WDR72: variants seen among roughly 807,000 people sequenced by gnomAD.
WDR72 encodes WD repeat-containing protein 72.
A neutral mutation model predicts 124.2 loss-of-function variants in WDR72; 120 were observed. That is an observed-to-expected ratio of 0.97 (90% confidence interval 0.83 to 1.12). The LOEUF (loss-of-function observed/expected upper bound fraction) is 1.12. Among genes scored for constraint, WDR72 ranks in the 50% most tolerant of loss-of-function variants. The pLI, the probability that WDR72 is intolerant of heterozygous loss-of-function variation, is 0.00. For synonymous variants in WDR72, 452 were observed against 441.7 expected (o/e 1.02, Z -0.29); for missense variants, 1,387 against 1,278.8 (o/e 1.08, Z -1.29).
intron 18 of WDR72, among the ~76,000 whole-genome samples, chr15:53,536,352 A>C (rs1487672483): frequency 6.6e-6 from 1 of 152,202 alleles, no homozygotes; most frequent in East Asian, 1.9e-4. Context: ...TGGTAGTTCT[A>C]AGGTTAAGTT....
chr15:53,700,892 A>G (rs1266450368), intron 12 of WDR72, among the ~76,000 whole-genome samples: 1 of 152,198 alleles, frequency 6.6e-6, no homozygotes. Flanking sequence ...CACGGCTTCT[A>G]GAACAGGCAG....
chr15:53,709,345 C>G (rs527569543), intron 9 of WDR72, among the ~76,000 whole-genome samples: 14 of 152,202 alleles, frequency 9.2e-5, no homozygotes, highest in African/African-American at 1.4e-4. Flanking sequence ...GATACAGAAA[C>G]ATCTATGGTT....
intron 11 of WDR72, among the ~76,000 whole-genome samples, chr15:53,703,642 C>A (rs1231712476): frequency 6.6e-6 from 1 of 151,984 alleles, no homozygotes; most frequent in Non-Finnish European, 1.5e-5. Flanking sequence ...CAAATCACAG[C>A]TGTATGAGAG....
chr15:53,571,876 C>T (rs540182729), intron 18 of WDR72, among the ~76,000 whole-genome samples: 1 of 151,894 alleles, frequency 6.6e-6, no homozygotes, highest in African/African-American at 2.4e-5. Context: ...ACATCCTTAC[C>T]AACACTTATC....
intron 18 of WDR72, among the ~76,000 whole-genome samples, chr15:53,539,216 A>AT: frequency 6.6e-6 from 1 of 152,294 alleles, no homozygotes; most frequent in East Asian, 1.9e-4. Flanking sequence ...TTGTTTAAAT[A>AT]TGCCTTTCCT....
chr15:53,625,760 A>G (rs1303843279), intron 14 of WDR72, among the ~76,000 whole-genome samples: 1 of 151,766 alleles, frequency 6.6e-6, no homozygotes, highest in East Asian at 1.9e-4. Context: ...TCCAAAGTAC[A>G]TATAAAAAGG....
chr15:53,619,138 A>G (rs550189441), intron 14 of WDR72, among the ~76,000 whole-genome samples: 14 of 152,140 alleles, frequency 9.2e-5, no homozygotes, highest in Admixed American at 9.2e-4. Context: ...TTTTAAAATA[A>G]TTCTTTTATT....
intron 18 of WDR72, among the ~76,000 whole-genome samples, chr15:53,585,485 CA>C (rs1202031538): frequency 4.6e-5 from 7 of 152,054 alleles, no homozygotes; most frequent in African/African-American, 1.4e-4. Context: ...TGGGTGGGGA[CA>C]CAGAGTCAAA....
intron 18 of WDR72, among the ~76,000 whole-genome samples, chr15:53,534,855 G>T (rs1056380025): frequency 6.6e-6 from 1 of 151,962 alleles, no homozygotes; most frequent in African/African-American, 2.4e-5. Context: ...ACAGATTTCT[G>T]TTTCTTCTTA....
At chr15:53,725,176 T>A (rs2017985675) in intron 2 of WDR72, among the ~76,000 whole-genome samples, 2 of 151,978 alleles carry the variant, frequency 1.3e-5, no homozygotes, top group Admixed American at 6.6e-5. Context: ...AAAGAAAACA[T>A]ACAGATGGCA....
intron 13 of WDR72, among the ~76,000 whole-genome samples, chr15:53,671,945 G>T (rs2016004529): frequency 6.6e-6 from 1 of 151,924 alleles, no homozygotes; most frequent in Admixed American, 6.6e-5. Context: ...AGAAAAAAAA[G>T]GGAAGAGGGA....
At chr15:53,598,443 G>C (rs544491829) in intron 17 of WDR72, among the ~76,000 whole-genome samples, 34 of 151,728 alleles carry the variant, frequency 2.2e-4, no homozygotes, top group African/African-American at 8.2e-4. Flanking sequence ...ACCTAGAGAT[G>C]CTTTGGCCAA....
intron 13 of WDR72, among the ~76,000 whole-genome samples, chr15:53,695,833 G>C (rs1321894891): frequency 6.6e-6 from 1 of 152,164 alleles, no homozygotes; most frequent in Non-Finnish European, 1.5e-5. Flanking sequence ...TTCTGCCAAA[G>C]AGACTCGTAA....
chr15:53,710,380 G>C (rs2017498985), intron 9 of WDR72, among the ~76,000 whole-genome samples: 1 of 101,854 alleles, frequency 9.8e-6, no homozygotes. Flanking sequence ...CAAATGCAGA[G>C]AGAGAGACAG....
In WDR72 at chr15:53,514,236, T is replaced by C. The variant is rs1166692323; in HGVS notation, c.*3463A>G. On this transcript the variant is annotated 3_prime_UTR_variant, in exon 20 of 20. Transcript: ENST00000360509. ...TTGGCACTTTACATATAAGACAACA[T>C]TTTGTGGAGAATAAAGGAGTCTATA... 1 of 152,132 alleles carries C rather than the reference T, an allele frequency of 6.6e-6. No individual in the cohort carries two copies. Among genetic ancestry groups the C allele is most frequent in the African/African-American group, 2.4e-5 (1 of 41,426 alleles). 9.4% of individuals were successfully genotyped at this position (152,132 alleles called of 1,614,324 possible).
intron 4 of WDR72, among the ~76,000 whole-genome samples, chr15:53,715,586 C>T (rs1202021045): frequency 2.0e-5 from 3 of 152,068 alleles, no homozygotes; most frequent in Non-Finnish European, 4.4e-5. Context: ...AGAGAGATCG[C>T]TTGGAAGAAG....
At chr15:53,708,974 A>G (rs922474079) in intron 9 of WDR72, among the ~76,000 whole-genome samples, 2 of 152,212 alleles carry the variant, frequency 1.3e-5, no homozygotes, top group African/African-American at 4.8e-5. Flanking sequence ...AGATATGTAC[A>G]TGGGCATTAC....
intron 18 of WDR72, among the ~76,000 whole-genome samples, chr15:53,536,541 A>G (rs1250574973): frequency 6.6e-6 from 1 of 152,100 alleles, no homozygotes; most frequent in Non-Finnish European, 1.5e-5. Flanking sequence ...TACATCTATA[A>G]GAGAGCTTGG....
At chr15:53,598,864 A>G (rs2012906475) in intron 17 of WDR72, among the ~76,000 whole-genome samples, 1 of 150,468 alleles carries the variant, frequency 6.6e-6, no homozygotes, top group African/African-American at 2.5e-5. Context: ...CATTAATCTA[A>G]GATATACTTC....
Sources: gnomAD v4.1 joint callset for allele counts (sites outside exome capture counted in the v4.1 genomes callset) on GRCh38, gnomAD v4.1.1 for gene constraint, MANE v1.5 for transcripts, NCBI Gene and HGNC (gene_info 2026-07-23, HGNC 2026-07-21) for gene names.